WWOX: variants seen among roughly 807,000 people sequenced by gnomAD.
WWOX encodes WW domain-containing oxidoreductase.
Under a neutral mutation model 46.2 loss-of-function variants are expected in WWOX, and 69 were observed. The ratio of observed to expected loss-of-function variants is 1.49; its 90% CI spans 1.23 to 1.82. The LOEUF is 1.82. Among genes scored for constraint, WWOX ranks in the 40% most tolerant of loss-of-function variants. The pLI is 0.00. For missense variants in WWOX, 919 were observed against 542.6 expected (o/e 1.69, Z -6.89); for synonymous variants, 359 against 202.6 (o/e 1.77, Z -6.56).
rs189266118 is a variant in WWOX, at chr16:78,205,469, A to G, written c.516+41180A>G. Among the ~76,000 whole-genome samples the G allele has an allele frequency of 3.1e-3, 471 of 151,490 alleles. 2 individuals are homozygous for G. The highest frequency in any genetic ancestry group is 0.011 in the African/African-American group (447 of 41,304). On this transcript the variant is annotated intron_variant, in intron 5 of 8. Coordinates refer to ENST00000566780, the MANE Select transcript of WWOX (RefSeq NM_016373.4). ...CATTCATCTGCCCATCTGCCCACCTACCCATCCACCCTTCCATACATTCAT... is the reference window on the plus strand; with the variant it reads ...CATTCATCTGCCCATCTGCCCACCTGCCCATCCACCCTTCCATACATTCAT...
chr16:78,777,299 A>T (rs2050215297), intron 8 of WWOX, among the ~76,000 whole-genome samples: 1 of 152,158 alleles, frequency 6.6e-6, no homozygotes, highest in African/African-American at 2.4e-5. Context: ...ATTTGTACAA[A>T]GAAAGGGAGG....
At chr16:79,159,189 AG>A (rs2150746597) in intron 8 of WWOX, among the ~76,000 whole-genome samples, 1 of 152,372 alleles carries the variant, frequency 6.6e-6, no homozygotes, top group South Asian at 2.1e-4. Flanking sequence ...AAAGTTAAAA[AG>A]GTCACTGTAG....
chr16:78,198,951 C>G (rs2036145006), intron 5 of WWOX, among the ~76,000 whole-genome samples: 2 of 152,160 alleles, frequency 1.3e-5, no homozygotes, highest in Non-Finnish European at 2.9e-5. Flanking sequence ...ATCAATCCCT[C>G]TACCTCTTCT....
intron 1 of WWOX, among the ~76,000 whole-genome samples, chr16:78,106,890 A>G (rs1453571459): frequency 6.6e-6 from 1 of 152,184 alleles, no homozygotes; most frequent in African/African-American, 2.4e-5. Context: ...AGTAGCCCTG[A>G]GGAGACTGGC....
At chr16:79,009,067 G>C (rs531189270) in intron 8 of WWOX, among the ~76,000 whole-genome samples, 16 of 152,280 alleles carry the variant, frequency 1.1e-4, no homozygotes, top group Non-Finnish European at 1.9e-4. Flanking sequence ...TTATTTAGAG[G>C]GATCCACGGA....
intron 8 of WWOX, among the ~76,000 whole-genome samples, chr16:78,517,682 G>A (rs1339488830): frequency 6.6e-6 from 1 of 152,112 alleles, no homozygotes; most frequent in African/African-American, 2.4e-5. Flanking sequence ...GCGAGGTGGT[G>A]AGGATGGAAA....
intron 8 of WWOX, among the ~76,000 whole-genome samples, chr16:79,119,308 A>G (rs1282646137): frequency 6.6e-6 from 1 of 152,222 alleles, no homozygotes; most frequent in Non-Finnish European, 1.5e-5. Flanking sequence ...TTTATGGGCT[A>G]CATTAACCCA....
In WWOX at chr16:79,123,914, C is replaced by A. The variant is rs539787344; in HGVS notation, c.1057-87694C>A. On this transcript the variant is annotated intron_variant, in intron 8 of 8. Coordinates refer to ENST00000566780, the MANE Select transcript of WWOX (RefSeq NM_016373.4). ...CGATGGAGGTTTGATTAAACCGATACCCTGGGTCTCCTGCTGTATCAAATC... is the reference window on the plus strand; with the variant it reads ...CGATGGAGGTTTGATTAAACCGATAACCTGGGTCTCCTGCTGTATCAAATC... 2.0e-5 allele frequency among the ~76,000 whole-genome samples: 3 copies of A among 152,214 alleles called. No homozygotes were observed. The South Asian group carries it at 6.2e-4, about 32-fold the overall frequency.
At chr16:78,459,887 C>G (rs1480180723) in intron 8 of WWOX, among the ~76,000 whole-genome samples, 1 of 151,710 alleles carries the variant, frequency 6.6e-6, no homozygotes, top group Non-Finnish European at 1.5e-5. Context: ...TCACTGCAGT[C>G]TTGACCACCC....
intron 8 of WWOX, among the ~76,000 whole-genome samples, chr16:79,168,456 G>A (rs903895749): frequency 4.6e-5 from 7 of 152,094 alleles, no homozygotes; most frequent in African/African-American, 7.2e-5. Flanking sequence ...TCAACCCCCA[G>A]GGACTTACTC....
intron 8 of WWOX, among the ~76,000 whole-genome samples, chr16:78,719,082 A>G (rs1382739450): frequency 6.6e-6 from 1 of 152,214 alleles, no homozygotes; most frequent in Admixed American, 6.5e-5. Flanking sequence ...GGTGAAGACT[A>G]TGAGCCCCTC....
chr16:78,144,796 C>T (rs559127469), intron 4 of WWOX, among the ~76,000 whole-genome samples: 2 of 151,916 alleles, frequency 1.3e-5, no homozygotes, highest in South Asian at 2.1e-4. Flanking sequence ...GCTGGGATTA[C>T]AGGCGTGAGC....
intron 8 of WWOX, among the ~76,000 whole-genome samples, chr16:78,548,176 A>ATTC (rs1250808768): frequency 0.073 from 6,898 of 94,418 alleles, 962 homozygotes; most frequent in African/African-American, 0.083. Flanking sequence ...AAAAAAAAAA[A>ATTC]AATTACGAAT....
chr16:78,658,323 A>C (rs2738606), intron 8 of WWOX, among the ~76,000 whole-genome samples: 79,214 of 151,950 alleles, frequency 0.52, 21,336 homozygotes, highest in Admixed American at 0.63. Context: ...ATAAACTACT[A>C]CTTTACTAAT....
At chr16:78,567,882 A>G (rs1049991493) in intron 8 of WWOX, among the ~76,000 whole-genome samples, 1 of 152,108 alleles carries the variant, frequency 6.6e-6, no homozygotes, top group Admixed American at 6.6e-5. Context: ...TCCCGTGTCT[A>G]ATGGAACAGA....
intron 6 of WWOX, among the ~76,000 whole-genome samples, chr16:78,421,302 C>T (rs992188020): frequency 5.3e-5 from 8 of 152,266 alleles, no homozygotes; most frequent in Admixed American, 5.2e-4. Context: ...CCATGCCTTT[C>T]TCCTAGCTTC....
intron 5 of WWOX, among the ~76,000 whole-genome samples, chr16:78,331,479 C>T (rs1005746734): frequency 1.3e-5 from 2 of 152,130 alleles, no homozygotes; most frequent in Non-Finnish European, 2.9e-5. Flanking sequence ...TCTTTGGAGA[C>T]CGTCTTCGTA....
intron 8 of WWOX, among the ~76,000 whole-genome samples, chr16:78,765,307 T>C (rs2049901275): frequency 6.6e-6 from 1 of 152,194 alleles, no homozygotes. Context: ...GATGAGACCT[T>C]CTGGTAGAGG....
intron 8 of WWOX, among the ~76,000 whole-genome samples, chr16:79,031,540 C>T (rs1470120827): frequency 6.6e-6 from 1 of 151,906 alleles, no homozygotes; most frequent in Non-Finnish European, 1.5e-5. Flanking sequence ...AAAAGCTACA[C>T]CCCCCTGTGG....
Sources: gnomAD v4.1 joint callset for allele counts (sites outside exome capture counted in the v4.1 genomes callset) on GRCh38, gnomAD v4.1.1 for gene constraint, MANE v1.5 for transcripts, NCBI Gene and HGNC (gene_info 2026-07-23, HGNC 2026-07-21) for gene names.